CBLB: variants seen among roughly 807,000 people sequenced by gnomAD.
The protein encoded by CBLB is Cbl proto-oncogene B, also known as E3 ubiquitin-protein ligase CBL-B.
In CBLB, 31 loss-of-function variants were observed where a neutral mutation model predicts 104.9. That is an observed-to-expected ratio of 0.30 (90% CI 0.22 to 0.40). The LOEUF is 0.40. Ranked by LOEUF, CBLB falls within the 10% of genes least tolerant of loss-of-function variation. The pLI, the probability that CBLB is intolerant of heterozygous loss-of-function variation, is 1.00. For missense variants in CBLB, 1,062 were observed against 1,214.6 expected (o/e 0.87, Z 1.87); for synonymous variants, 440 against 422.6 (o/e 1.04, Z -0.51).
chr3:105,786,064 G>GT (rs2080965740), intron 3 of CBLB, among the ~76,000 whole-genome samples: 2 of 139,076 alleles, frequency 1.4e-5, no homozygotes, highest in South Asian at 4.8e-4. Context: ...AGAGGATCGG[G>GT]GGGGGGAAAG....
intron 3 of CBLB, chr3:105,824,267 G>A (rs1450902769): frequency 6.6e-6 from 1 of 152,210 alleles, no homozygotes. Flanking sequence ...AGTCACTACA[G>A]TCTGTCTTTA....
chr3:105,801,581 T>C (rs2082869437), intron 3 of CBLB, among the ~76,000 whole-genome samples: 1 of 152,250 alleles, frequency 6.6e-6, no homozygotes, highest in South Asian at 2.1e-4. Flanking sequence ...TGCATTCATT[T>C]ACATGAAATG....
At chr3:105,708,174 C>T (rs1372640290) in intron 10 of CBLB, among the ~76,000 whole-genome samples, 1 of 152,090 alleles carries the variant, frequency 6.6e-6, no homozygotes, top group Non-Finnish European at 1.5e-5. Context: ...CAGCTCAAAT[C>T]ACCCAGGCCA....
rs1221617762 is a variant in CBLB, at chr3:105,853,632, C to G, written c.201G>C (p.Leu67Phe). ...VRLCQNPKLQ[L>F]KNSPPYILDI... ...CAAGTATATATGGTGGGCTATTTTT[C>G]AACTGAAGTTTGGGATTTTGGCACA... The change falls in exon 3 of 19, where the codon TTG (leucine) becomes TTC (phenylalanine). Residue 67 changes from leucine (L) to phenylalanine (F), a missense_variant. This residue lies in a region of CBLB where 457 missense variants were observed against 632.0 expected (regional missense o/e 0.72). Coordinates refer to ENST00000394030, the MANE Select transcript of CBLB (RefSeq NM_170662.5). 6.2e-7 allele frequency: 1 copy of G among 1,608,354 alleles called. No individual in the cohort carries two copies. Among genetic ancestry groups the G allele is most frequent in the Non-Finnish European group, 8.5e-7 (1 of 1,176,516 alleles).
At chr3:105,662,501 A>G (rs980426781) in intron 18 of CBLB, among the ~76,000 whole-genome samples, 2 of 152,192 alleles carry the variant, frequency 1.3e-5, no homozygotes, top group Admixed American at 1.3e-4. Flanking sequence ...TTGAACTCTT[A>G]TGAGTAATTG....
intron 3 of CBLB, among the ~76,000 whole-genome samples, chr3:105,794,767 A>G (rs1054270685): frequency 6.6e-6 from 1 of 152,188 alleles, no homozygotes; most frequent in Non-Finnish European, 1.5e-5. Context: ...TAAATACATA[A>G]AACTACATTT....
At chr3:105,822,999 A>G (rs1177511760) in intron 3 of CBLB, among the ~76,000 whole-genome samples, 1 of 152,212 alleles carries the variant, frequency 6.6e-6, no homozygotes, top group Non-Finnish European at 1.5e-5. Context: ...TCAGAAAAGT[A>G]CTTGTTTATA....
At chr3:105,771,852 G>A (rs895522928) in intron 4 of CBLB, among the ~76,000 whole-genome samples, 2 of 152,044 alleles carry the variant, frequency 1.3e-5, no homozygotes, top group African/African-American at 4.8e-5. Context: ...TCTCTAGAAG[G>A]AAAACTACAA....
At chr3:105,775,677 C>T (rs1218591403) in intron 4 of CBLB, among the ~76,000 whole-genome samples, 1 of 152,192 alleles carries the variant, frequency 6.6e-6, no homozygotes, top group Non-Finnish European at 1.5e-5. Context: ...TTTACTGAGA[C>T]ATTTATGACA....
At chr3:105,774,313 T>A (rs1007929639) in intron 4 of CBLB, among the ~76,000 whole-genome samples, 1 of 152,136 alleles carries the variant, frequency 6.6e-6, no homozygotes, top group Non-Finnish European at 1.5e-5. Context: ...AGGATACACA[T>A]TATTCATGCA....
chr3:105,847,718 G>A (rs753652366), intron 3 of CBLB, among the ~76,000 whole-genome samples: 5 of 151,780 alleles, frequency 3.3e-5, no homozygotes, highest in South Asian at 2.1e-4. Flanking sequence ...AGTATCCTTC[G>A]GCCATCATCT....
chr3:105,765,121 G>A (rs1191091395), intron 4 of CBLB, among the ~76,000 whole-genome samples: 1 of 152,208 alleles, frequency 6.6e-6, no homozygotes, highest in Non-Finnish European at 1.5e-5. Context: ...TAAGATCATT[G>A]ATGAATGTGG....
chr3:105,847,481 A>T (rs1331490092), intron 3 of CBLB, among the ~76,000 whole-genome samples: 3 of 151,778 alleles, frequency 2.0e-5, no homozygotes, highest in Non-Finnish European at 4.4e-5. Flanking sequence ...GGCATGATTC[A>T]AAGGCTCTGA....
At chr3:105,720,810 TG>T (rs1171593250) in intron 9 of CBLB, among the ~76,000 whole-genome samples, 10 of 152,256 alleles carry the variant, frequency 6.6e-5, no homozygotes, top group Non-Finnish European at 1.2e-4. Flanking sequence ...AGCCATCATC[TG>T]TCCTGAAAGC....
chr3:105,810,714 A>G (rs752564098), intron 3 of CBLB, among the ~76,000 whole-genome samples: 1 of 152,140 alleles, frequency 6.6e-6, no homozygotes, highest in Non-Finnish European at 1.5e-5. Flanking sequence ...GAAATATTAC[A>G]TATAATTATT....
chr3:105,852,280 T>C (rs1396864373), intron 3 of CBLB, among the ~76,000 whole-genome samples: 1 of 152,150 alleles, frequency 6.6e-6, no homozygotes, highest in Non-Finnish European at 1.5e-5. Context: ...ACATATTGTG[T>C]GACCTTCCAG....
At chr3:105,779,101 T>C (rs2079828294) in intron 3 of CBLB, among the ~76,000 whole-genome samples, 2 of 152,230 alleles carry the variant, frequency 1.3e-5, no homozygotes, top group African/African-American at 4.8e-5. Context: ...CTTTATTTTC[T>C]GAATTGGCTG....
At chr3:105,811,138 G>C (rs1196360366) in intron 3 of CBLB, among the ~76,000 whole-genome samples, 1 of 152,184 alleles carries the variant, frequency 6.6e-6, no homozygotes, top group Non-Finnish European at 1.5e-5. Context: ...CTGAATAGTA[G>C]AGAAGTCCTG....
At chr3:105,769,009 T>C (rs1372983920) in intron 4 of CBLB, among the ~76,000 whole-genome samples, 1 of 152,216 alleles carries the variant, frequency 6.6e-6, no homozygotes, top group African/African-American at 2.4e-5. Context: ...CAATTATTCA[T>C]GTAGTCTGTT....
Sources: gnomAD v4.1 joint callset for allele counts (sites outside exome capture counted in the v4.1 genomes callset) on GRCh38, gnomAD v4.1.1 for gene constraint, gnomAD v4.1.1 regional missense constraint, MANE v1.5 for transcripts, NCBI Gene and HGNC (gene_info 2026-07-23, HGNC 2026-07-21) for gene names.